Variants in STK3 observed in about 807,000 individuals in gnomAD.
The protein encoded by STK3 is serine/threonine kinase 3, also known as serine/threonine-protein kinase 3.
STK3 carries 41 observed loss-of-function variants against 58.0 expected under a neutral mutation model. That is an observed-to-expected ratio of 0.71 (90% CI 0.55 to 0.92). The LOEUF (loss-of-function observed/expected upper bound fraction) is 0.92. Ranked by LOEUF, STK3 falls within the 40% of genes least tolerant of loss-of-function variation. The pLI, the probability that STK3 is intolerant of heterozygous loss-of-function variation, is 0.00. For missense variants in STK3, 479 were observed against 602.7 expected (o/e 0.79, Z 2.15); for synonymous variants, 170 against 191.0 (o/e 0.89, Z 0.91).
In STK3 at chr8:98,428,021, C is replaced by A. The variant is rs372037161; in HGVS notation, n.483+6106G>T. On this transcript the variant is annotated intron_variant and non_coding_transcript_variant, in intron 3 of 3. Transcript: ENST00000517832. The surrounding 1 kb of genome is among the most constrained non-coding windows in gnomAD (Gnocchi z 6.7). Reference sequence around the variant, plus strand: ...TGTGGGACGTGTCGGAGGCTAACGTCGAGGACGGGGAGATCCGCATCAATG... The same window carrying A: ...TGTGGGACGTGTCGGAGGCTAACGTAGAGGACGGGGAGATCCGCATCAATG... 9 of 1,598,994 alleles carry A rather than the reference C, an allele frequency of 5.6e-6. No homozygotes were observed. The African/African-American group carries it at 6.7e-5, about 12-fold the overall frequency.
chr8:98,619,704 TACATGAAAAA>T (rs1818094681), intron 6 of STK3, among the ~76,000 whole-genome samples: 2 of 142,100 alleles, frequency 1.4e-5, no homozygotes, highest in African/African-American at 5.3e-5. Context: ...AGCCAAAAAA[TACATGAAAAA>T]ATGCTCATCA....
intron 6 of STK3, among the ~76,000 whole-genome samples, chr8:98,659,767 T>C (rs908788748): frequency 4.0e-5 from 6 of 151,876 alleles, no homozygotes; most frequent in Non-Finnish European, 7.4e-5. Flanking sequence ...AGATGTATAA[T>C]TAACATAGCA....
chr8:98,588,098 A>G (rs989122243), intron 7 of STK3, among the ~76,000 whole-genome samples: 1 of 151,992 alleles, frequency 6.6e-6, no homozygotes, highest in African/African-American at 2.4e-5. Context: ...GTCCATTTAC[A>G]TTTAAAGTTA....
rs541413299 is a variant in STK3 at position 98,697,750 on chromosome 8, C to G, written c.684+8717G>C. 1.6e-4 allele frequency among the ~76,000 whole-genome samples: 25 copies of G among 152,266 alleles called. 1 individual carries two copies. Among genetic ancestry groups the G allele is most frequent in the Admixed American group, 1.4e-3 (21 of 15,296 alleles). On this transcript the variant is annotated intron_variant, in intron 6 of 10. Coordinates refer to ENST00000419617, the MANE Select transcript of STK3 (RefSeq NM_006281.4). ...GTTTGTTATAATTTCTGTTCTTTTA[C>G]ATTTGCTGAGGAGAGCTTTACTTCC...
chr8:98,518,458 A>T (rs1472661451), intron 10 of STK3, among the ~76,000 whole-genome samples: 2 of 152,144 alleles, frequency 1.3e-5, no homozygotes, highest in Non-Finnish European at 2.9e-5. Flanking sequence ...AAATTTTAAA[A>T]ACCAGTGCAG....
At chr8:98,832,830 G>A (rs1242294173) in intron 3 of STK3, among the ~76,000 whole-genome samples, 1 of 152,144 alleles carries the variant, frequency 6.6e-6, no homozygotes, top group African/African-American at 2.4e-5. Context: ...GGCCACCAAT[G>A]TTCCAGGCCT....
At chr8:98,696,231 G>C (rs1021767375) in intron 6 of STK3, among the ~76,000 whole-genome samples, 2 of 152,196 alleles carry the variant, frequency 1.3e-5, no homozygotes, top group African/African-American at 4.8e-5. Flanking sequence ...TGCTGAAGTT[G>C]TTTATCAGCT....
intron 1 of STK3, chr8:98,438,498 C>T (rs997856569): frequency 3.9e-5 from 6 of 152,226 alleles, no homozygotes; most frequent in South Asian, 4.1e-4. Context: ...GCCATTGTTT[C>T]GCTGAGGGCA....
intron 3 of STK3, among the ~76,000 whole-genome samples, chr8:98,876,512 G>C (rs1269155081): frequency 6.6e-6 from 1 of 152,098 alleles, no homozygotes; most frequent in Non-Finnish European, 1.5e-5. Context: ...GTAGTGCCCA[G>C]GAATGTCCAT....
Position 98,428,118 on chromosome 8 carries a change from C to T in STK3, n.483+6009G>A. The T allele has an allele frequency of 6.2e-7, 1 of 1,613,958 alleles. No homozygotes were observed. Among genetic ancestry groups the T allele is most frequent in the Non-Finnish European group, 8.5e-7 (1 of 1,180,020 alleles). On this transcript the variant is annotated intron_variant and non_coding_transcript_variant, in intron 3 of 3. Transcript: ENST00000517832. The surrounding 1 kb of genome is among the most constrained non-coding windows in gnomAD (Gnocchi z 6.7). Reference sequence around the variant, plus strand: ...CCCCGAGACGCGCCTGGGCCGCTTGCTGCTCTGCCACTCGCGCGAGGCCAT... The same window carrying T: ...CCCCGAGACGCGCCTGGGCCGCTTGTTGCTCTGCCACTCGCGCGAGGCCAT...
intron 9 of STK3, among the ~76,000 whole-genome samples, chr8:98,528,861 T>C (rs577343104): frequency 6.6e-6 from 1 of 152,352 alleles, no homozygotes; most frequent in South Asian, 2.1e-4. Flanking sequence ...TTTCGTATAA[T>C]TGTCCCTCAA....
At chr8:98,393,622 G>A (rs1225786716) in intron 3 of STK3, 1 of 152,112 alleles carries the variant, frequency 6.6e-6, no homozygotes, top group African/African-American at 2.4e-5. Context: ...ACAAGCCTGA[G>A]CTAGTCTGCT....
rs186864489 is a variant in STK3, at chr8:98,420,362, G to A, written n.483+13765C>T. On this transcript the variant is annotated intron_variant and non_coding_transcript_variant, in intron 3 of 3. Coordinates refer to the STK3 transcript ENST00000517832. ...GTAATAATGGCCCTAAAGCACAAGA[G>A]TGGTGACATTGACATATTGTTATAA... Among the ~76,000 whole-genome samples the A allele has an allele frequency of 2.0e-3, 304 of 152,300 alleles. 2 individuals are homozygous for A. Among genetic ancestry groups the A allele is most frequent in the Admixed American group, 3.7e-3 (57 of 15,298 alleles).
At chr8:98,481,517 T>C (rs1460418359) in intron 10 of STK3, among the ~76,000 whole-genome samples, 3 of 152,304 alleles carry the variant, frequency 2.0e-5, no homozygotes, top group South Asian at 2.1e-4. Flanking sequence ...TGCATGTTTT[T>C]ACTTATAAGT....
At chr8:98,711,478 G>A (rs749102150) in intron 4 of STK3, among the ~76,000 whole-genome samples, 2 of 152,262 alleles carry the variant, frequency 1.3e-5, no homozygotes, top group East Asian at 1.9e-4. Flanking sequence ...CGAGAACTAC[G>A]TGACAAATGC....
At chr8:98,906,230 T>C (rs1359328786) in intron 1 of STK3, 1 of 152,552 alleles carries the variant, frequency 6.6e-6, no homozygotes. Context: ...CCATGATCTA[T>C]AAAATCTAGA....
chr8:98,489,798 T>A (rs145667790), intron 10 of STK3, among the ~76,000 whole-genome samples: 20 of 152,324 alleles, frequency 1.3e-4, no homozygotes, highest in African/African-American at 4.3e-4. Context: ...GAAAAAAATT[T>A]TATACTCACT....
intron 4 of STK3, among the ~76,000 whole-genome samples, chr8:98,729,512 A>G (rs1828023828): frequency 6.6e-6 from 1 of 152,224 alleles, no homozygotes; most frequent in Non-Finnish European, 1.5e-5. Flanking sequence ...AATTCAAAGT[A>G]CCAAAGTACC....
intron 10 of STK3, among the ~76,000 whole-genome samples, chr8:98,487,817 C>A (rs1024755796): frequency 8.5e-5 from 13 of 152,142 alleles, no homozygotes; most frequent in African/African-American, 2.9e-4. Flanking sequence ...GGAATAAGCT[C>A]CGGAATTAGA....
Sources: allele counts gnomAD v4.1 joint callset (sites outside exome capture counted in the v4.1 genomes callset), GRCh38; gene constraint gnomAD v4.1.1; non-coding constraint Gnocchi (gnomAD v3.1); transcripts MANE v1.5; gene names NCBI Gene and HGNC (gene_info 2026-07-23, HGNC 2026-07-21).